EDEM3: variants seen among roughly 807,000 people sequenced by gnomAD.
EDEM3 encodes ER degradation enhancing alpha-mannosidase like protein 3, also known as ER degradation-enhancing alpha-mannosidase-like protein 3.
EDEM3 carries 60 observed loss-of-function variants against 110.2 expected under a neutral mutation model. That is an observed-to-expected ratio of 0.54 (90% CI 0.44 to 0.67). EDEM3 has a LOEUF of 0.67. EDEM3 is among the 30% of genes least tolerant of loss of function. EDEM3 has a pLI of 0.00. For missense variants in EDEM3, 996 were observed against 1,121.0 expected (o/e 0.89, Z 1.59); for synonymous variants, 352 against 382.9 (o/e 0.92, Z 0.94).
rs866500128 is a variant in EDEM3 at position 184,692,729 on chromosome 1, T to C, written c.*1334A>G. 8 of 144,446 alleles carry C rather than the reference T, an allele frequency of 5.5e-5. No individual in the cohort carries two copies. The highest frequency in any genetic ancestry group is 2.0e-4 in the African/African-American group (8 of 40,218). The allele number at this position is 144,446 out of a possible 1,614,324, so 8.9% of individuals were successfully genotyped here. A position where few individuals can be genotyped will look rare whatever the true frequency, so the allele number is the denominator to read the frequency against. Reference sequence around the variant, plus strand: ...TGTCTACAAACATCAACAACAAAATTTAAAAATTTTTAAGACTTAAATGTG... The same window carrying C: ...TGTCTACAAACATCAACAACAAAATCTAAAAATTTTTAAGACTTAAATGTG... On this transcript the variant is annotated 3_prime_UTR_variant, in exon 20 of 20. Transcript: ENST00000318130.
chr1:184,744,147 GCA>G (rs1488087881), intron 2 of EDEM3, among the ~76,000 whole-genome samples: 7 of 150,146 alleles, frequency 4.7e-5, no homozygotes, highest in Non-Finnish European at 8.9e-5. Flanking sequence ...AGAATGTAAA[GCA>G]CAGACTGGGA....
intron 6 of EDEM3, among the ~76,000 whole-genome samples, chr1:184,730,646 A>T (rs1420596452): frequency 6.6e-6 from 1 of 152,216 alleles, no homozygotes; most frequent in Non-Finnish European, 1.5e-5. Context: ...TCAACTAGAA[A>T]TTTAAACAAG....
In EDEM3 at chr1:184,694,271, G is replaced by A. The variant is rs150541662; in HGVS notation, c.2591C>T (p.Thr864Ile). Residue 864 changes from threonine to isoleucine, a missense_variant, in exon 20 of 20, where the codon ACT becomes ATT. This residue lies in a region of EDEM3 where 345 missense variants were observed against 402.0 expected (regional missense o/e 0.86). Coordinates refer to ENST00000318130, the MANE Select transcript of EDEM3 (RefSeq NM_025191.4). ...NAASISPSEQ[T>I]SNPTENHETT... is the part of the protein sequence containing the mutation. ...CTCATGGTTTTCTGTGGGATTAGAA[G>A]TCTGTTCAGAAGGGGAAATGCTTGC... 15 of 1,613,188 alleles carry A rather than the reference G, an allele frequency of 9.3e-6. No homozygotes were observed. The highest frequency in any genetic ancestry group is 1.2e-5 in the Non-Finnish European group (14 of 1,179,602).
At chr1:184,752,523 T>G (rs1403010907) in intron 1 of EDEM3, among the ~76,000 whole-genome samples, 2 of 152,236 alleles carry the variant, frequency 1.3e-5, no homozygotes, top group African/African-American at 4.8e-5. Context: ...CCTAAATAAT[T>G]GTAATTTCAC....
intron 7 of EDEM3, among the ~76,000 whole-genome samples, chr1:184,725,505 G>A (rs993236491): frequency 2.6e-5 from 4 of 151,762 alleles, no homozygotes; most frequent in Middle Eastern, 6.8e-3. Flanking sequence ...TGAGACATTT[G>A]AACATACAGA....
rs1253649260 is a variant in EDEM3 at position 184,710,539 on chromosome 1, C to T, written c.1700G>A (p.Ser567Asn). ...AGGGGGTTTAGCTCCACTCCTGAAA[C>T]TCTCCTCTCTGCTAAAAGTAATTAC... is the stretch of plus-strand genomic sequence containing the variant. Reference protein sequence around the residue: ...CPRGIIRVEESFRSGAKPPLR... With the variant: ...CPRGIIRVEENFRSGAKPPLR... The change falls in exon 16 of 20, where the codon AGT (serine) becomes AAT (asparagine). Residue 567 changes from serine to asparagine, a missense_variant. Transcript: ENST00000318130. 15 of 1,610,252 alleles carry T rather than the reference C, an allele frequency of 9.3e-6. No individual in the cohort carries two copies. The highest frequency in any genetic ancestry group is 1.3e-5 in the Non-Finnish European group (15 of 1,178,094).
chr1:184,701,977 G>A (rs541144213), intron 19 of EDEM3, among the ~76,000 whole-genome samples: 55 of 152,102 alleles, frequency 3.6e-4, no homozygotes, highest in Admixed American at 1.2e-3. Context: ...CACCCCAGGG[G>A]ATGTAACAAC....
chr1:184,707,606 T>C (rs916212635), intron 17 of EDEM3, among the ~76,000 whole-genome samples: 2 of 152,234 alleles, frequency 1.3e-5, no homozygotes, highest in South Asian at 2.1e-4. Context: ...TGGGCTCTGG[T>C]CCCAGCTCTG....
chr1:184,722,197 A>G (rs934125576), intron 8 of EDEM3, among the ~76,000 whole-genome samples: 1 of 151,968 alleles, frequency 6.6e-6, no homozygotes, highest in South Asian at 2.1e-4. Context: ...CTTTTTACCC[A>G]TATTTATATA....
At chr1:184,744,249 AATATATATATATATATATATATATAT>A (rs55959890) in intron 2 of EDEM3, among the ~76,000 whole-genome samples, 62 of 87,612 alleles carry the variant, frequency 7.1e-4, no homozygotes, top group African/African-American at 1.6e-3. Context: ...ACAAATGACA[AATATATATATATATATATATATATAT>A]ATATATATAT....
In EDEM3 at chr1:184,708,209, C is replaced by A. The variant is rs1279124953; in HGVS notation, c.1981G>T (p.Val661Leu). 6.2e-7 allele frequency: 1 copy of A among 1,613,694 alleles called. No individual in the cohort carries two copies. Among genetic ancestry groups the A allele is most frequent in the Non-Finnish European group, 8.5e-7 (1 of 1,179,824 alleles). ...QIVSHPFFGRVVLTAGPAQFG... is the reference protein window; with the variant it reads ...QIVSHPFFGRLVLTAGPAQFG... ...TGAGCTGGTCCAGCAGTCAATACTA[C>A]CCTGCCAAAAAATGGGTGGGAAACA... The change falls in exon 17 of 20, where the codon GTA becomes TTA. Residue 661 changes from valine to leucine, a missense_variant. By Grantham distance (32) the Val-to-Leu change is conservative. Transcript: ENST00000318130.
In EDEM3 at chr1:184,692,548, T is replaced by C. The variant is rs778250485; in HGVS notation, c.*1515A>G. The stretch of plus-strand genomic sequence containing the variant: ...TGTTTTTAACAGCTCCACTTACACC[T>C]CATCAGTACCTCACAACCGTGTTTT... On this transcript the variant is annotated 3_prime_UTR_variant, in exon 20 of 20. Coordinates refer to ENST00000318130, the MANE Select transcript of EDEM3 (RefSeq NM_025191.4). 1 of 152,066 alleles carries C rather than the reference T, an allele frequency of 6.6e-6. No homozygotes were observed. Among genetic ancestry groups the C allele is most frequent in the Non-Finnish European group, 1.5e-5 (1 of 67,980 alleles). 9.4% of individuals were successfully genotyped at this position (152,066 alleles called of 1,614,324 possible). A position where few individuals can be genotyped will look rare whatever the true frequency, so the allele number is the denominator to read the frequency against.
intron 1 of EDEM3, among the ~76,000 whole-genome samples, chr1:184,751,798 G>A (rs1652782232): frequency 6.6e-6 from 1 of 152,186 alleles, no homozygotes; most frequent in South Asian, 2.1e-4. Context: ...TTGTTGCCCG[G>A]GCTGGAGTGC....
At position 184,703,009 on chromosome 1, in the gene EDEM3, T is replaced by C. The variant is rs183066923; in HGVS notation, c.2204-13A>G. On this transcript the variant is annotated splice_polypyrimidine_tract_variant and intron_variant, in intron 18 of 19. Transcript: ENST00000318130. ...CCCTCATTGTCATCTAGCCAGAAAA[T>C]AAATACAGCAAACATCAAAATATCC... 1.8e-4 allele frequency: 284 copies of C among 1,581,842 alleles called. 1 individual carries two copies. In the East Asian group the frequency reaches 4.5e-3, roughly 25 times the overall value.
intron 19 of EDEM3, among the ~76,000 whole-genome samples, chr1:184,694,777 T>C (rs1571338778): frequency 6.6e-6 from 1 of 152,018 alleles, no homozygotes; most frequent in Admixed American, 6.6e-5. Flanking sequence ...TAACCAATAA[T>C]AATATTAAAA....
chr1:184,692,802 G>A lies in EDEM3; in HGVS notation c.*1261C>T, dbSNP rs1187677467. The A allele has an allele frequency of 6.7e-6, 1 of 148,912 alleles. No homozygotes were observed. Among genetic ancestry groups the A allele is most frequent in the African/African-American group, 2.4e-5 (1 of 40,898 alleles). 9.2% of individuals were successfully genotyped at this position (148,912 alleles called of 1,614,324 possible). A position where few individuals can be genotyped will look rare whatever the true frequency, so the allele number is the denominator to read the frequency against. Reference sequence around the variant, plus strand: ...AACAACAAACCAAAAAAAAAAAGGGGGGGGGTGGAAGTCTCATTAAGCTAT... The same window carrying A: ...AACAACAAACCAAAAAAAAAAAGGGAGGGGGTGGAAGTCTCATTAAGCTAT... On this transcript the variant is annotated 3_prime_UTR_variant, in exon 20 of 20. Coordinates refer to ENST00000318130, the MANE Select transcript of EDEM3 (RefSeq NM_025191.4).
chr1:184,703,640 C>T lies in EDEM3; in HGVS notation c.2204-644G>A, dbSNP rs78640667. ...CAGCAACATGCTGTTTTACTGAAGACGACAATCACGACCACCTCCAAATCG... is the reference window on the plus strand; with the variant it reads ...CAGCAACATGCTGTTTTACTGAAGATGACAATCACGACCACCTCCAAATCG... On this transcript the variant is annotated intron_variant, in intron 18 of 19. Coordinates refer to ENST00000318130, the MANE Select transcript of EDEM3 (RefSeq NM_025191.4). Among the ~76,000 whole-genome samples the T allele has an allele frequency of 2.7e-3, 416 of 152,090 alleles. 5 individuals are homozygous for T. Among genetic ancestry groups the T allele is most frequent in the East Asian group, 0.024 (120 of 5,018 alleles).
At chr1:184,694,673 TGTCA>T (rs1649238773) in intron 19 of EDEM3, among the ~76,000 whole-genome samples, 1 of 152,072 alleles carries the variant, frequency 6.6e-6, no homozygotes, top group African/African-American at 2.4e-5. Flanking sequence ...GTGCAAAATG[TGTCA>T]GTGTTAGAAA....
At chr1:184,748,550 C>CA (rs557048243) in intron 2 of EDEM3, among the ~76,000 whole-genome samples, 3 of 151,296 alleles carry the variant, frequency 2.0e-5, no homozygotes, top group Admixed American at 6.6e-5. Flanking sequence ...GAAATGTATC[C>CA]AAAAAAAATC....
Sources: gnomAD v4.1 joint callset for allele counts (sites outside exome capture counted in the v4.1 genomes callset) on GRCh38, gnomAD v4.1.1 for gene constraint, gnomAD v4.1.1 regional missense constraint, MANE v1.5 for transcripts, NCBI Gene and HGNC (gene_info 2026-07-23, HGNC 2026-07-21) for gene names.